The following NKAIN2 variants were observed in gnomAD, a reference collection of about 807,000 sequenced individuals.
NKAIN2 encodes sodium/potassium-transporting ATPase subunit beta-1-interacting protein 2.
In NKAIN2, 14 loss-of-function variants were observed where a neutral mutation model predicts 32.6. The ratio of observed to expected loss-of-function variants is 0.43; its 90% confidence interval spans 0.28 to 0.67. The LOEUF is 0.67. Among genes scored for constraint, NKAIN2 ranks in the 30% least tolerant of loss-of-function variants. The pLI is 0.17. For synonymous variants in NKAIN2, 80 were observed against 87.2 expected (o/e 0.92, Z 0.46); for missense variants, 198 against 258.3 (o/e 0.77, Z 1.60).
chr6:124,050,135 A>G (rs1243495021), intron 1 of NKAIN2, among the ~76,000 whole-genome samples: 1 of 151,768 alleles, frequency 6.6e-6, no homozygotes, highest in Non-Finnish European at 1.5e-5. Flanking sequence ...TGGGGGAGCT[A>G]CTATCAATAT....
At chr6:123,941,395 A>C (rs1284664672) in intron 1 of NKAIN2, among the ~76,000 whole-genome samples, 1 of 151,944 alleles carries the variant, frequency 6.6e-6, no homozygotes, top group Non-Finnish European at 1.5e-5. Context: ...TATACTGTAC[A>C]TAATTGTATT....
intron 3 of NKAIN2, among the ~76,000 whole-genome samples, chr6:124,573,468 A>G (rs1173783947): frequency 6.7e-6 from 1 of 149,832 alleles, no homozygotes; most frequent in Admixed American, 6.6e-5. Flanking sequence ...AATTCCTCAT[A>G]TCTTATCTCT....
intron 2 of NKAIN2, among the ~76,000 whole-genome samples, chr6:124,351,136 A>G (rs527283814): frequency 2.0e-4 from 30 of 152,270 alleles, no homozygotes; most frequent in Non-Finnish European, 3.7e-4. Flanking sequence ...ATGAAATAGC[A>G]TTCGTCTATA....
At chr6:124,229,533 T>TAGACAGACAGAC (rs71021483) in intron 1 of NKAIN2, among the ~76,000 whole-genome samples, 10 of 149,066 alleles carry the variant, frequency 6.7e-5, no homozygotes, top group African/African-American at 2.5e-4. Flanking sequence ...GATAGATAGA[T>TAGACAGACAGAC]AGACAGACAG....
At chr6:124,423,700 G>C (rs1774855610) in intron 3 of NKAIN2, among the ~76,000 whole-genome samples, 1 of 152,148 alleles carries the variant, frequency 6.6e-6, no homozygotes, top group South Asian at 2.1e-4. Context: ...GAAAGAGTGG[G>C]TTCCTTTCCT....
intron 1 of NKAIN2, among the ~76,000 whole-genome samples, chr6:124,242,836 A>G (rs949367242): frequency 6.6e-6 from 1 of 151,696 alleles, no homozygotes; most frequent in African/African-American, 2.4e-5. Context: ...GGAGTTGAAC[A>G]ATGAGAACGC....
At chr6:123,985,169 A>C (rs1351178393) in intron 1 of NKAIN2, among the ~76,000 whole-genome samples, 1 of 152,030 alleles carries the variant, frequency 6.6e-6, no homozygotes, top group Non-Finnish European at 1.5e-5. Context: ...GAGGCTGAGG[A>C]GGGGTGGGTC....
rs569520660 is a variant in NKAIN2 at position 124,346,565 on chromosome 6, A to G, written c.193-8702A>G. On this transcript the variant is annotated intron_variant, in intron 2 of 6. Transcript: ENST00000368417. ...TAGGACAATTAGCTCTTCTTGTTGAATTGATCCCTTTACCATTATGTAATG... is the reference window on the plus strand; with the variant it reads ...TAGGACAATTAGCTCTTCTTGTTGAGTTGATCCCTTTACCATTATGTAATG... Among the ~76,000 whole-genome samples, 181 of 152,230 alleles carry G rather than the reference A, an allele frequency of 1.2e-3. 1 individual carries two copies. Among genetic ancestry groups the G allele is most frequent in the African/African-American group, 4.3e-3 (177 of 41,518 alleles).
chr6:124,021,122 G>A (rs1296037167), intron 1 of NKAIN2, among the ~76,000 whole-genome samples: 2 of 151,886 alleles, frequency 1.3e-5, no homozygotes, highest in Non-Finnish European at 2.9e-5. Flanking sequence ...TGAATCATCT[G>A]ACTCATAACA....
chr6:123,942,140 A>G (rs981793898), intron 1 of NKAIN2, among the ~76,000 whole-genome samples: 2 of 151,950 alleles, frequency 1.3e-5, no homozygotes, highest in Non-Finnish European at 2.9e-5. Context: ...CAATGGTTTC[A>G]TAGTCTAAAA....
chr6:124,561,469 G>GA (rs1247813614), intron 3 of NKAIN2, among the ~76,000 whole-genome samples: 1 of 152,110 alleles, frequency 6.6e-6, no homozygotes, highest in Non-Finnish European at 1.5e-5. Flanking sequence ...TGGTCTGTGG[G>GA]AAAAAATATT....
At chr6:123,825,149 A>G (rs1341393539) in intron 1 of NKAIN2, among the ~76,000 whole-genome samples, 1 of 152,046 alleles carries the variant, frequency 6.6e-6, no homozygotes, top group Non-Finnish European at 1.5e-5. Context: ...TTTTAAAATG[A>G]CACTAATCCC....
intron 2 of NKAIN2, among the ~76,000 whole-genome samples, chr6:124,303,128 A>G (rs1796362785): frequency 6.6e-6 from 1 of 152,224 alleles, no homozygotes; most frequent in Admixed American, 6.5e-5. Context: ...GAACTTTAAG[A>G]TGCACAAAAT....
intron 1 of NKAIN2, among the ~76,000 whole-genome samples, chr6:124,130,318 A>T (rs915643270): frequency 5.9e-5 from 9 of 152,200 alleles, no homozygotes; most frequent in Non-Finnish European, 1.3e-4. Context: ...TTTTCATCTG[A>T]AACACAGTGG....
chr6:123,806,320 T>C (rs1375198697), intron 1 of NKAIN2, among the ~76,000 whole-genome samples: 1 of 152,076 alleles, frequency 6.6e-6, no homozygotes, highest in Admixed American at 6.5e-5. Flanking sequence ...ATTCAGACTT[T>C]ATGTGCCACC....
chr6:124,711,869 T>G (rs9401762), intron 4 of NKAIN2, among the ~76,000 whole-genome samples: 2 of 152,178 alleles, frequency 1.3e-5, no homozygotes, highest in Non-Finnish European at 2.9e-5. Context: ...TGAGGAACTG[T>G]GTTCCTTTGG....
intron 3 of NKAIN2, among the ~76,000 whole-genome samples, chr6:124,601,508 C>A (rs1332447459): frequency 6.6e-6 from 1 of 151,960 alleles, no homozygotes. Context: ...GCATATAGTT[C>A]AAAAGTGCCA....
At chr6:123,926,059 G>A (rs1308442991) in intron 1 of NKAIN2, among the ~76,000 whole-genome samples, 1 of 152,098 alleles carries the variant, frequency 6.6e-6, no homozygotes, top group African/African-American at 2.4e-5. Flanking sequence ...GTGGTCTCTT[G>A]TCTAAAGGCA....
At chr6:123,882,793 T>G (rs1481047227) in intron 1 of NKAIN2, among the ~76,000 whole-genome samples, 1 of 152,028 alleles carries the variant, frequency 6.6e-6, no homozygotes, top group African/African-American at 2.4e-5. Context: ...CTTATAAAAG[T>G]TGAAATGAAA....
Sources: gnomAD v4.1 joint callset for allele counts (sites outside exome capture counted in the v4.1 genomes callset) on GRCh38, gnomAD v4.1.1 for gene constraint, MANE v1.5 for transcripts, NCBI Gene and HGNC (gene_info 2026-07-23, HGNC 2026-07-21) for gene names.